Variants in ASMTL observed in about 807,000 individuals in gnomAD.
The protein encoded by ASMTL is probable bifunctional dTTP/UTP pyrophosphatase/methyltransferase protein.
Under a neutral mutation model 60.3 loss-of-function variants are expected in ASMTL, and 57 were observed. That is an observed-to-expected ratio of 0.95 (90% CI 0.76 to 1.18). ASMTL has a LOEUF of 1.18. Ranked by LOEUF, ASMTL falls within the 50% of genes most tolerant of loss-of-function variation. The probability of loss-of-function intolerance (pLI) is 0.00; values close to 1 mark genes in which losing one functional copy is unlikely to be tolerated. For missense variants in ASMTL, 981 were observed against 852.6 expected (o/e 1.15, Z -1.88); for synonymous variants, 419 against 373.0 (o/e 1.12, Z -1.42).
intron 1 of ASMTL, among the ~76,000 whole-genome samples, chrX:1,443,638 AGACACCGC>A (rs2091170074): frequency 5.1e-4 from 1 of 1,946 alleles, no homozygotes; most frequent in Admixed American, 9.8e-3. Flanking sequence ...CATCGTGGAC[AGACACCGC>A]CATCATGGAC....
chrX:1,404,522 GGTTA>G (rs2089729684), intron 12 of ASMTL, among the ~76,000 whole-genome samples: 1 of 146,840 alleles, frequency 6.8e-6, no homozygotes, highest in African/African-American at 2.5e-5. Flanking sequence ...AGTAGATGAT[GGTTA>G]GGTAAGTAGG....
chrX:1,424,948 GTCCA>G (rs761777284), intron 8 of ASMTL, among the ~76,000 whole-genome samples: 119 of 16,964 alleles, frequency 7.0e-3, no homozygotes, highest in Middle Eastern at 0.045. Context: ...CAATCCATCT[GTCCA>G]TCCATCCATC....
At chrX:1,416,528 T>A (rs2090275586) in intron 11 of ASMTL, among the ~76,000 whole-genome samples, 1 of 148,756 alleles carries the variant, frequency 6.7e-6, no homozygotes, top group Non-Finnish European at 1.5e-5. Context: ...CATGCACAGA[T>A]GGGCACACGC....
chrX:1,431,679 G>T (rs1410665763), intron 6 of ASMTL, among the ~76,000 whole-genome samples: 1 of 145,910 alleles, frequency 6.9e-6, no homozygotes. Flanking sequence ...ATAATTAATA[G>T]AATATATAAT....
Position 1,432,338 on chromosome X carries a change from T to G in ASMTL, c.440A>C (p.Glu147Ala). The G allele has an allele frequency of 6.2e-7, 1 of 1,613,330 alleles. No individual in the cohort carries two copies. Among genetic ancestry groups the G allele is most frequent in the Non-Finnish European group, 8.5e-7 (1 of 1,179,776 alleles). The stretch of plus-strand genomic sequence containing the variant: ...CAGCTCCGAGAACTTCACCTTCGTT[T>G]CCTCGTAGAATTCCGAGACCCTGGT... ...LDTRVSEFYE[E>A]TKVKFSELSE... Residue 147 changes from glutamate to alanine, a missense_variant, in exon 6 of 13, where the codon GAA becomes GCA. Transcript: ENST00000381317.
At chrX:1,427,693 C>A (rs780487459) in intron 7 of ASMTL, 41 bp downstream of exon 7, 3 of 1,561,802 alleles carry the variant, frequency 1.9e-6, no homozygotes, top group African/African-American at 2.7e-5. Context: ...AGTGTGTAGG[C>A]TCATTTGTGA....
Position 1,408,077 on chromosome X carries a change from G to T in ASMTL, c.1646-4588C>A, listed in dbSNP as rs191422169. 3.5e-3 allele frequency among the ~76,000 whole-genome samples: 534 copies of T among 150,840 alleles called. 5 individuals are homozygous for T. The highest frequency in any genetic ancestry group is 0.013 in the African/African-American group (511 of 40,620). On this transcript the variant is annotated intron_variant, in intron 12 of 12. Coordinates refer to ENST00000381317, the MANE Select transcript of ASMTL (RefSeq NM_004192.4). ...CTAACAGGGCATGATAACAAATGCT[G>T]GTACTCCCAAATACTCGGGAGGCTG...
intron 1 of ASMTL, among the ~76,000 whole-genome samples, chrX:1,444,006 T>C (rs2091179822): frequency 6.6e-6 from 1 of 152,160 alleles, no homozygotes; most frequent in Admixed American, 6.6e-5. Context: ...ACTGCCTAAA[T>C]CCAGCCCCCA....
chrX:1,422,820 G>T (rs1270998562), intron 8 of ASMTL, among the ~76,000 whole-genome samples: 1 of 152,194 alleles, frequency 6.6e-6, no homozygotes, highest in Admixed American at 6.5e-5. Flanking sequence ...TGAAGCAGGA[G>T]CAGCCTCTGC....
At chrX:1,433,493 G>A (rs1255362203) in intron 5 of ASMTL, among the ~76,000 whole-genome samples, 26 of 116,184 alleles carry the variant, frequency 2.2e-4, no homozygotes, top group East Asian at 5.1e-4. Context: ...GTGAAACCCC[G>A]TCTCTACTAA....
chrX:1,431,975 C>T, intron 6 of ASMTL: 1 of 470,006 alleles, frequency 2.1e-6, no homozygotes, highest in Non-Finnish European at 3.8e-6. Context: ...GGGTCTCCTC[C>T]TCCCACCACG....
At position 1,434,017 on chromosome X, in the gene ASMTL, G is replaced by A. The variant is rs1413607750; in HGVS notation, c.400+1005C>T. ...CAGGGATATGGGGCTGGGATTGTGC[G>A]TGGAGGTCCCATGGGACCCGGCCCT... On this transcript the variant is annotated intron_variant, in intron 5 of 12. Transcript: ENST00000381317. Among the ~76,000 whole-genome samples, 148 of 152,176 alleles carry A rather than the reference G, an allele frequency of 9.7e-4. 1 individual carries two copies. The highest frequency in any genetic ancestry group is 1.1e-3 in the Non-Finnish European group (77 of 68,022).
At chrX:1,416,033 A>G (rs781279166) in intron 11 of ASMTL, among the ~76,000 whole-genome samples, 2 of 87,192 alleles carry the variant, frequency 2.3e-5, no homozygotes, top group South Asian at 1.1e-3. Context: ...ACGGACACAG[A>G]TACAGTGACA....
At position 1,435,700 on chromosome X, in the gene ASMTL, A is replaced by T; in HGVS notation, c.332T>A (p.Leu111Gln). ...PVDKQDAYRM[L>Q]SRLSGREHSV... ...AGGCCAACATGGTGCTTACCGGGACAGCATCCTGTAGGCGTCCTGCTTGTC... is the reference window on the plus strand; with the variant it reads ...AGGCCAACATGGTGCTTACCGGGACTGCATCCTGTAGGCGTCCTGCTTGTC... The change falls in exon 4 of 13, where the codon CTG (leucine) becomes CAG (glutamine). Residue 111 changes from leucine to glutamine, a missense_variant. Coordinates refer to ENST00000381317, the MANE Select transcript of ASMTL (RefSeq NM_004192.4). The T allele has an allele frequency of 1.2e-6, 2 of 1,613,604 alleles. No homozygotes were observed. The highest frequency in any genetic ancestry group is 1.7e-6 in the Non-Finnish European group (2 of 1,179,830).
At chrX:1,423,925 G>C (rs2090542373) in intron 8 of ASMTL, among the ~76,000 whole-genome samples, 1 of 142,798 alleles carries the variant, frequency 7.0e-6, no homozygotes, top group Admixed American at 7.0e-5. Flanking sequence ...TCCACTGATG[G>C]ATCCACTGAT....
chrX:1,433,657 G>A lies in ASMTL; in HGVS notation c.401-1280C>T, dbSNP rs551067874. On this transcript the variant is annotated intron_variant, in intron 5 of 12. Coordinates refer to ENST00000381317, the MANE Select transcript of ASMTL (RefSeq NM_004192.4). ...ATGGCGCAAGTGCACTCTAGCCTGG[G>A]CGATAAAGCGAGACTCTGTCACAAA... Among the ~76,000 whole-genome samples, 45 of 151,968 alleles carry A rather than the reference G, an allele frequency of 3.0e-4. 1 individual carries two copies. In the South Asian group the frequency reaches 9.1e-3, roughly 31 times the overall value.
intron 3 of ASMTL, among the ~76,000 whole-genome samples, chrX:1,436,384 G>C: frequency 6.6e-6 from 1 of 151,250 alleles, no homozygotes; most frequent in Non-Finnish European, 1.5e-5. Context: ...ACAGAGTCTC[G>C]CTCTATCACC....
chrX:1,405,531 G>A (rs1160398900), intron 12 of ASMTL, among the ~76,000 whole-genome samples: 2 of 148,730 alleles, frequency 1.3e-5, no homozygotes, highest in Non-Finnish European at 3.0e-5. Context: ...TAGATGATGG[G>A]TAGGTAGGTA....
chrX:1,423,678 A>G (rs2090535163), intron 8 of ASMTL, among the ~76,000 whole-genome samples: 1 of 142,902 alleles, frequency 7.0e-6, no homozygotes, highest in Non-Finnish European at 1.5e-5. Context: ...CGATCCACCC[A>G]TCTACCCACT....
Sources: gnomAD v4.1 joint callset for allele counts (sites outside exome capture counted in the v4.1 genomes callset) on GRCh38, gnomAD v4.1.1 for gene constraint, MANE v1.5 for transcripts, NCBI Gene and HGNC (gene_info 2026-07-23, HGNC 2026-07-21) for gene names.